Variants in CAMK1D observed in about 807,000 individuals in gnomAD.
CAMK1D encodes calcium/calmodulin-dependent protein kinase type 1D.
CAMK1D carries 9 observed loss-of-function variants against 47.7 expected under a neutral mutation model. The ratio of observed to expected loss-of-function variants is 0.19; its 90% CI spans 0.11 to 0.33. The LOEUF is 0.33. Among genes scored for constraint, CAMK1D ranks in the 10% least tolerant of loss-of-function variants. The pLI is 1.00. For missense variants in CAMK1D, 291 were observed against 488.7 expected (o/e 0.60, Z 3.81); for synonymous variants, 184 against 184.9 (o/e 0.99, Z 0.04).
At chr10:12,809,334 T>C (rs1449550543) in intron 6 of CAMK1D, among the ~76,000 whole-genome samples, 1 of 151,998 alleles carries the variant, frequency 6.6e-6, no homozygotes. Context: ...GTAGACTCTA[T>C]GGAAAACAGT....
At chr10:12,361,680 C>G (rs375978753) in intron 1 of CAMK1D, among the ~76,000 whole-genome samples, 12 of 150,976 alleles carry the variant, frequency 7.9e-5, no homozygotes, top group African/African-American at 2.7e-4. Flanking sequence ...CTCAGCCTCC[C>G]GAGTAGCTGG....
chr10:12,453,663 C>T (rs1039662362), intron 1 of CAMK1D, among the ~76,000 whole-genome samples: 3 of 152,100 alleles, frequency 2.0e-5, no homozygotes, highest in African/African-American at 7.2e-5. Flanking sequence ...AGGAAACTTT[C>T]GTTGAAATAT....
At chr10:12,458,880 CTT>C (rs35804649) in intron 1 of CAMK1D, among the ~76,000 whole-genome samples, 67 of 120,650 alleles carry the variant, frequency 5.6e-4, no homozygotes, top group Non-Finnish European at 5.6e-4. Context: ...CCTTTCTTTC[CTT>C]TTTTTTTTTT....
chr10:12,794,408 A>G (rs1386842369), intron 6 of CAMK1D, among the ~76,000 whole-genome samples: 3 of 152,072 alleles, frequency 2.0e-5, no homozygotes, highest in African/African-American at 7.2e-5. Flanking sequence ...CTTGGAAGAT[A>G]CCCACTGAGT....
At chr10:12,568,636 T>C (rs1837221149) in intron 2 of CAMK1D, among the ~76,000 whole-genome samples, 1 of 150,960 alleles carries the variant, frequency 6.6e-6, no homozygotes, top group South Asian at 2.1e-4. Context: ...TCTTTTTTTG[T>C]TTTGTTTTGA....
At chr10:12,397,570 C>T (rs542250665) in intron 1 of CAMK1D, among the ~76,000 whole-genome samples, 4 of 152,292 alleles carry the variant, frequency 2.6e-5, no homozygotes, top group East Asian at 1.9e-4. Flanking sequence ...TCCGCTGTGC[C>T]GTCCTTGAGG....
intron 4 of CAMK1D, among the ~76,000 whole-genome samples, chr10:12,767,064 A>G (rs1279659359): frequency 6.6e-6 from 1 of 152,096 alleles, no homozygotes; most frequent in Non-Finnish European, 1.5e-5. Flanking sequence ...GCCAGTGAAT[A>G]CCCTCACAGG....
chr10:12,367,095 C>A (rs1837859349), intron 1 of CAMK1D, among the ~76,000 whole-genome samples: 1 of 152,110 alleles, frequency 6.6e-6, no homozygotes, highest in African/African-American at 2.4e-5. Flanking sequence ...CACAGACTTC[C>A]AGAGAGCTAA....
In CAMK1D at chr10:12,752,455, A is replaced by G. The variant is rs559853662; in HGVS notation, c.300-8493A>G. Among the ~76,000 whole-genome samples the G allele has an allele frequency of 2.0e-5, 3 of 152,148 alleles. No homozygotes were observed. In the South Asian group the frequency reaches 6.2e-4, roughly 32 times the overall value. ...GTCATTGGAGACTCGGGAGGGTAGAAGGGGGATGATGGATGAGAAATTACC... is the reference window on the plus strand; with the variant it reads ...GTCATTGGAGACTCGGGAGGGTAGAGGGGGGATGATGGATGAGAAATTACC... On this transcript the variant is annotated intron_variant, in intron 3 of 10. Transcript: ENST00000619168.
Position 12,470,641 on chromosome 10 carries a change from C to T in CAMK1D, c.93-82584C>T, listed in dbSNP as rs982510331. ...AAGCGAGTCTGCTGCCTCAGCCTCC[C>T]GAGTGGCTGGAATTACTGGTGCCTG... On this transcript the variant is annotated intron_variant, in intron 1 of 10. Coordinates refer to ENST00000619168, the MANE Select transcript of CAMK1D (RefSeq NM_153498.4). Among the ~76,000 whole-genome samples, 5 of 152,160 alleles carry T rather than the reference C, an allele frequency of 3.3e-5. No individual in the cohort carries two copies. The East Asian group carries it at 5.8e-4, about 18-fold the overall frequency.
intron 5 of CAMK1D, among the ~76,000 whole-genome samples, chr10:12,778,041 A>G (rs543815419): frequency 1.8e-4 from 27 of 152,352 alleles, no homozygotes; most frequent in African/African-American, 4.1e-4. Flanking sequence ...CTTTGTATTT[A>G]GAAAGAAATG....
At chr10:12,377,468 G>A (rs1838217607) in intron 1 of CAMK1D, among the ~76,000 whole-genome samples, 1 of 152,206 alleles carries the variant, frequency 6.6e-6, no homozygotes, top group South Asian at 2.1e-4. Context: ...TCTTTGACTT[G>A]AAGCTCAATG....
chr10:12,802,319 G>A (rs932184986), intron 6 of CAMK1D, among the ~76,000 whole-genome samples: 1 of 152,078 alleles, frequency 6.6e-6, no homozygotes, highest in Admixed American at 6.5e-5. Flanking sequence ...AGCTTTGCAT[G>A]GGAGCATAGC....
chr10:12,356,985 G>T (rs1441135081), intron 1 of CAMK1D, among the ~76,000 whole-genome samples: 1 of 151,942 alleles, frequency 6.6e-6, no homozygotes, highest in Non-Finnish European at 1.5e-5. Context: ...TCCTTTGGCT[G>T]GGTCTCTGTA....
chr10:12,738,614 C>T (rs891026622), intron 3 of CAMK1D, among the ~76,000 whole-genome samples: 19 of 152,090 alleles, frequency 1.2e-4, no homozygotes, highest in East Asian at 3.9e-4. Context: ...GGGCGTATCA[C>T]GAGGTCAGGA....
At chr10:12,642,069 A>C (rs1159460623) in intron 2 of CAMK1D, among the ~76,000 whole-genome samples, 1 of 151,594 alleles carries the variant, frequency 6.6e-6, no homozygotes, top group African/African-American at 2.4e-5. Flanking sequence ...AAAAGAAAGA[A>C]AAGGCCGCAG....
At chr10:12,350,129 G>T (rs1837307684) in intron 1 of CAMK1D, among the ~76,000 whole-genome samples, 2 of 152,102 alleles carry the variant, frequency 1.3e-5, no homozygotes, top group South Asian at 4.1e-4. Flanking sequence ...AGGGGGCAGC[G>T]CCGGGCTGTC....
chr10:12,659,093 C>T (rs1458103679), intron 2 of CAMK1D, among the ~76,000 whole-genome samples: 6 of 152,140 alleles, frequency 3.9e-5, no homozygotes, highest in African/African-American at 1.4e-4. Flanking sequence ...ACAGCCTGCC[C>T]GTCTGCATGC....
At chr10:12,468,869 T>A (rs1408370336) in intron 1 of CAMK1D, among the ~76,000 whole-genome samples, 1 of 152,204 alleles carries the variant, frequency 6.6e-6, no homozygotes, top group Non-Finnish European at 1.5e-5. Flanking sequence ...GGGGTTGTTT[T>A]TCTTATTGGA....
Sources: gnomAD v4.1 joint callset for allele counts (sites outside exome capture counted in the v4.1 genomes callset) on GRCh38, gnomAD v4.1.1 for gene constraint, MANE v1.5 for transcripts, NCBI Gene and HGNC (gene_info 2026-07-23, HGNC 2026-07-21) for gene names.